The following AGBL4 variants were observed in gnomAD, a reference collection of about 807,000 sequenced individuals.
The protein encoded by AGBL4 is AGBL carboxypeptidase 4.
AGBL4 carries 58 observed loss-of-function variants against 66.4 expected under a neutral mutation model. The ratio of observed to expected loss-of-function variants is 0.87; its 90% CI spans 0.71 to 1.09. The LOEUF (loss-of-function observed/expected upper bound fraction) is 1.09. AGBL4 is among the 50% of genes least tolerant of loss of function. AGBL4 has a pLI of 0.00. For synonymous variants in AGBL4, 234 were observed against 222.9 expected, an observed-to-expected ratio of 1.05 and a Z score of -0.44; for missense variants, 579 against 631.0, an observed-to-expected ratio of 0.92 and a Z score of 0.88.
chr1:48,691,189 GTA>G (rs1174346557), intron 6 of AGBL4, among the ~76,000 whole-genome samples: 7 of 146,350 alleles, frequency 4.8e-5, no homozygotes, highest in Non-Finnish European at 7.5e-5. Flanking sequence ...ATATATGTGT[GTA>G]TATATATATA....
intron 4 of AGBL4, among the ~76,000 whole-genome samples, chr1:49,066,659 AC>A (rs1338786671): frequency 6.6e-6 from 1 of 152,072 alleles, no homozygotes; most frequent in Non-Finnish European, 1.5e-5. Flanking sequence ...AGTGGTGAAA[AC>A]TCTGCTCTTT....
intron 3 of AGBL4, among the ~76,000 whole-genome samples, chr1:49,422,557 G>A (rs1645568323): frequency 6.6e-6 from 1 of 152,170 alleles, no homozygotes; most frequent in Admixed American, 6.5e-5. Flanking sequence ...CAGAACTGCT[G>A]CTAACCTCCT....
At chr1:49,377,545 A>G (rs960213789) in intron 3 of AGBL4, among the ~76,000 whole-genome samples, 6 of 152,060 alleles carry the variant, frequency 3.9e-5, no homozygotes, top group Non-Finnish European at 8.8e-5. Context: ...TCAAACTGTT[A>G]AGAACCATGA....
intron 6 of AGBL4, among the ~76,000 whole-genome samples, chr1:48,818,412 C>T (rs1166882942): frequency 6.6e-6 from 1 of 152,028 alleles, no homozygotes; most frequent in Non-Finnish European, 1.5e-5. Context: ...CTTTTTTGGT[C>T]TGGGAGGTTT....
At chr1:49,924,246 A>T (rs893383362) in intron 1 of AGBL4, among the ~76,000 whole-genome samples, 5 of 152,226 alleles carry the variant, frequency 3.3e-5, no homozygotes, top group African/African-American at 1.2e-4. Flanking sequence ...TGATGAGAAC[A>T]CATTGACACA....
chr1:49,226,011 T>G (rs908900990), intron 4 of AGBL4, among the ~76,000 whole-genome samples: 28 of 152,320 alleles, frequency 1.8e-4, no homozygotes, highest in Admixed American at 3.3e-4. Flanking sequence ...AATCTTAAGT[T>G]TAAGGATGAG....
At chr1:49,088,806 C>T (rs1644952198) in intron 4 of AGBL4, among the ~76,000 whole-genome samples, 1 of 152,066 alleles carries the variant, frequency 6.6e-6, no homozygotes, top group Non-Finnish European at 1.5e-5. Context: ...ACATTCTTCT[C>T]ACATATCTCA....
rs115157996 is a variant in AGBL4, at chr1:49,702,476, C to T, written c.158-5039G>A. ...ACTGCACTCCAGCCTAGTGATAGAG[C>T]GAGGCTCCGTCCCAAAAAAATAAAA... On this transcript the variant is annotated intron_variant, in intron 2 of 13. Transcript: ENST00000371839. Among the ~76,000 whole-genome samples, 448 of 152,002 alleles carry T rather than the reference C, an allele frequency of 2.9e-3. 1 individual carries two copies. Among genetic ancestry groups the T allele is most frequent in the African/African-American group, 9.8e-3 (407 of 41,466 alleles).
At position 49,103,310 on chromosome 1, in the gene AGBL4, C is replaced by A. The variant is rs925810404; in HGVS notation, c.378-57510G>T. Reference sequence around the variant, plus strand: ...TCAAGATGATGCAAGCACAGTCCTGCGAACATTTCCAGAGAGGTCAGAGGG... The same window carrying A: ...TCAAGATGATGCAAGCACAGTCCTGAGAACATTTCCAGAGAGGTCAGAGGG... On this transcript the variant is annotated intron_variant, in intron 4 of 13. Transcript: ENST00000371839. Among the ~76,000 whole-genome samples the A allele has an allele frequency of 7.8e-4, 118 of 152,212 alleles. 1 individual carries two copies. The highest frequency in any genetic ancestry group is 2.7e-3 in the African/African-American group (112 of 41,524).
At chr1:49,158,040 C>A (rs993449074) in intron 4 of AGBL4, among the ~76,000 whole-genome samples, 71 of 152,238 alleles carry the variant, frequency 4.7e-4, no homozygotes, top group African/African-American at 1.5e-3. Context: ...TGCCTGTTCA[C>A]TCTAATGATA....
chr1:49,267,229 T>C (rs1643942255), intron 3 of AGBL4, among the ~76,000 whole-genome samples: 1 of 152,200 alleles, frequency 6.6e-6, no homozygotes. Flanking sequence ...TTGAAATTAG[T>C]ACCATAGTAC....
intron 4 of AGBL4, among the ~76,000 whole-genome samples, chr1:49,074,000 C>A (rs950701427): frequency 1.3e-5 from 2 of 152,132 alleles, no homozygotes; most frequent in Non-Finnish European, 2.9e-5. Flanking sequence ...TGGGCTCTGC[C>A]CAGTTTGAAC....
At chr1:49,661,581 C>T (rs1279138936) in intron 3 of AGBL4, among the ~76,000 whole-genome samples, 1 of 152,148 alleles carries the variant, frequency 6.6e-6, no homozygotes, top group African/African-American at 2.4e-5. Context: ...GAAGCAAATG[C>T]TGGCACTATG....
chr1:49,040,692 C>T (rs1643916348), intron 5 of AGBL4, among the ~76,000 whole-genome samples: 1 of 151,942 alleles, frequency 6.6e-6, no homozygotes, highest in Non-Finnish European at 1.5e-5. Flanking sequence ...GTGAAAAATG[C>T]AAGACGCATA....
chr1:49,058,997 T>C (rs780903971), intron 4 of AGBL4, among the ~76,000 whole-genome samples: 11 of 152,072 alleles, frequency 7.2e-5, no homozygotes, highest in Non-Finnish European at 1.5e-4. Context: ...AGCCTAATGA[T>C]GCAATAAAAA....
chr1:48,893,511 C>G (rs1049769178), intron 5 of AGBL4, among the ~76,000 whole-genome samples: 1 of 151,568 alleles, frequency 6.6e-6, no homozygotes, highest in Non-Finnish European at 1.5e-5. Context: ...GAAACCCCGT[C>G]TCTACTAAAA....
At chr1:49,212,900 A>C (rs1648781240) in intron 4 of AGBL4, among the ~76,000 whole-genome samples, 1 of 152,156 alleles carries the variant, frequency 6.6e-6, no homozygotes, top group Admixed American at 6.6e-5. Flanking sequence ...ACGCATGTTA[A>C]ATAATAGGAC....
At chr1:49,155,018 C>A (rs949698997) in intron 4 of AGBL4, among the ~76,000 whole-genome samples, 3 of 152,084 alleles carry the variant, frequency 2.0e-5, no homozygotes, top group East Asian at 1.9e-4. Context: ...GAACCATTTA[C>A]CATTCTTTAA....
At chr1:49,367,665 A>C (rs1644265376) in intron 3 of AGBL4, among the ~76,000 whole-genome samples, 1 of 152,212 alleles carries the variant, frequency 6.6e-6, no homozygotes, top group African/African-American at 2.4e-5. Flanking sequence ...TGGTCAATGA[A>C]TTGTACTGAC....
Sources: gnomAD v4.1 joint callset for allele counts (sites outside exome capture counted in the v4.1 genomes callset) on GRCh38, gnomAD v4.1.1 for gene constraint, MANE v1.5 for transcripts, NCBI Gene and HGNC (gene_info 2026-07-23, HGNC 2026-07-21) for gene names.